The following WDR33 variants were observed in gnomAD, a reference collection of about 807,000 sequenced individuals.
WDR33 encodes pre-mRNA 3' end processing protein WDR33.
A neutral mutation model predicts 164.9 loss-of-function variants in WDR33; 47 were observed. The ratio of observed to expected loss-of-function variants is 0.29; its 90% confidence interval spans 0.23 to 0.36. WDR33 has a LOEUF of 0.36. Ranked by LOEUF, WDR33 falls within the 10% of genes least tolerant of loss-of-function variation. WDR33 has a pLI of 1.00. For missense variants in WDR33, 1,137 were observed against 1,754.1 expected, an observed-to-expected ratio of 0.65 and a Z score of 6.28; for synonymous variants, 505 against 589.0, an observed-to-expected ratio of 0.86 and a Z score of 2.06.
In WDR33 at chr2:127,764,434, T is replaced by C; in HGVS notation, c.626+394A>G. 6.9e-7 allele frequency: 1 copy of C among 1,450,544 alleles called. No individual in the cohort carries two copies. Among genetic ancestry groups the C allele is most frequent in the Non-Finnish European group, 9.1e-7 (1 of 1,104,722 alleles). The allele number at this position is 1,450,544 out of a possible 1,614,324, so 89.9% of individuals were successfully genotyped here. On this transcript the variant is annotated intron_variant, in intron 6 of 21. Coordinates refer to ENST00000322313, the MANE Select transcript of WDR33 (RefSeq NM_018383.5). This position sits in a 1 kb window ranked among gnomAD's most constrained non-coding sequence, Gnocchi z 6.2. ...TTTCCACTTTGTGTGAATTCTGAAG[T>C]TGTTTTCTGTAGGCTTTAGATTTTA...
intron 1 of WDR33, among the ~76,000 whole-genome samples, chr2:127,772,550 T>G (rs1210937200): frequency 2.0e-5 from 3 of 152,200 alleles, no homozygotes; most frequent in African/African-American, 7.2e-5. Flanking sequence ...CTTTTGTTCT[T>G]TTAAATTTCC....
In WDR33 at chr2:127,701,919, G is replaced by C. The variant is rs918882840; in HGVS notation, c.*4404C>G. The C allele has an allele frequency of 4.2e-6, 6 of 1,443,436 alleles. No individual in the cohort carries two copies. The highest frequency in any genetic ancestry group is 4.5e-6 in the Non-Finnish European group (5 of 1,104,786). 89.4% of individuals were successfully genotyped at this position (1,443,436 alleles called of 1,614,324 possible). A position where few individuals can be genotyped will look rare whatever the true frequency, so the allele number is the denominator to read the frequency against. Reference sequence around the variant, plus strand: ...AAGCGCGCTGCTGCGGGGCGGCGCGGCGTGCGGACGCCTGCTGCGCTGCGA... The same window carrying C: ...AAGCGCGCTGCTGCGGGGCGGCGCGCCGTGCGGACGCCTGCTGCGCTGCGA... On this transcript the variant is annotated 3_prime_UTR_variant, in exon 22 of 22. Coordinates refer to ENST00000322313, the MANE Select transcript of WDR33 (RefSeq NM_018383.5).
chr2:127,767,548 C>T (rs549632552), intron 4 of WDR33, among the ~76,000 whole-genome samples: 3 of 151,936 alleles, frequency 2.0e-5, no homozygotes, highest in Admixed American at 6.6e-5. Context: ...CCCGTCTCTA[C>T]TAAAAATACA....
chr2:127,712,134 G>T lies in WDR33; in HGVS notation c.3308+1449C>A. On this transcript the variant is annotated intron_variant, in intron 18 of 21. Coordinates refer to ENST00000322313, the MANE Select transcript of WDR33 (RefSeq NM_018383.5). This position sits in a 1 kb window ranked among gnomAD's most constrained non-coding sequence, Gnocchi z 4.0. ...GAAAGGACCAGGCGCAGTGGCTCAC[G>T]CCTATAATCCCTGCACTCTGGGGGG... Among the ~76,000 whole-genome samples the T allele has an allele frequency of 6.6e-6, 1 of 151,962 alleles. No individual in the cohort carries two copies. Among genetic ancestry groups the T allele is most frequent in the African/African-American group, 2.4e-5 (1 of 41,382 alleles).
At position 127,701,926 on chromosome 2, in the gene WDR33, G is replaced by A; in HGVS notation, c.*4397C>T. On this transcript the variant is annotated 3_prime_UTR_variant, in exon 22 of 22. Coordinates refer to ENST00000322313, the MANE Select transcript of WDR33 (RefSeq NM_018383.5). ...CTGCTGCGGGGCGGCGCGGCGTGCG[G>A]ACGCCTGCTGCGCTGCGAAGAAGCG... is the stretch of plus-strand genomic sequence containing the variant. The A allele has an allele frequency of 7.0e-7, 1 of 1,435,366 alleles. No individual in the cohort carries two copies. 88.9% of individuals were successfully genotyped at this position (1,435,366 alleles called of 1,614,324 possible). A position where few individuals can be genotyped will look rare whatever the true frequency, so the allele number is the denominator to read the frequency against.
chr2:127,781,721 G>A (rs989439872), intron 1 of WDR33, among the ~76,000 whole-genome samples: 2 of 151,102 alleles, frequency 1.3e-5, no homozygotes, highest in Non-Finnish European at 2.9e-5. Flanking sequence ...TGCTGAGGCC[G>A]GGTGCAGTGG....
chr2:127,765,359 T>G, intron 4 of WDR33, 90 bp from the exon 5 acceptor site: 1 of 877,468 alleles, frequency 1.1e-6, no homozygotes, highest in South Asian at 1.6e-5. Context: ...ATGCAATAAC[T>G]GACATTAAAT....
intron 7 of WDR33, among the ~76,000 whole-genome samples, chr2:127,754,899 GCTAAATACTAAT>G (rs1476272519): frequency 1.3e-5 from 2 of 152,034 alleles, no homozygotes; most frequent in Admixed American, 6.6e-5. Context: ...TTTTAACCCA[GCTAAATACTAAT>G]CTTCCCTTTA....
rs896816633 is a variant in WDR33, at chr2:127,709,909, A to G, written c.3309-53T>C. 45 of 1,579,990 alleles carry G rather than the reference A, an allele frequency of 2.8e-5. No individual in the cohort carries two copies. Among genetic ancestry groups the G allele is most frequent in the Non-Finnish European group, 3.8e-5 (44 of 1,163,458 alleles). On this transcript the variant is annotated intron_variant, in intron 18 of 21. Transcript: ENST00000322313. This position sits in a 1 kb window ranked among gnomAD's most constrained non-coding sequence, Gnocchi z 5.0. Reference sequence around the variant, plus strand: ...ATCTCAGAGAACACCTTGCCACTCTAAGTTCATGTTTCAAAGAAGCATATG... The same window carrying G: ...ATCTCAGAGAACACCTTGCCACTCTGAGTTCATGTTTCAAAGAAGCATATG...
Position 127,764,538 on chromosome 2 carries a change from A to G in WDR33, c.626+290T>C. The G allele has an allele frequency of 6.5e-7, 1 of 1,532,214 alleles. No individual in the cohort carries two copies. Among genetic ancestry groups the G allele is most frequent in the Non-Finnish European group, 8.8e-7 (1 of 1,142,312 alleles). 94.9% of individuals were successfully genotyped at this position (1,532,214 alleles called of 1,614,324 possible). ...CTTACACAGTAGATAATAAAAAGGA[A>G]TAACGTATACACATTATTAATCATA... On this transcript the variant is annotated intron_variant, in intron 6 of 21. Coordinates refer to ENST00000322313, the MANE Select transcript of WDR33 (RefSeq NM_018383.5). The surrounding 1 kb of genome is among the most constrained non-coding windows in gnomAD (Gnocchi z 6.2).
rs979407987 is a variant in WDR33 at position 127,702,271 on chromosome 2, G to T, written c.*4052C>A. The stretch of plus-strand genomic sequence containing the variant: ...GAGGACTGCACGCCGCTGTGCGGAA[G>T]CCCGTGGCGAAGGCCCTGCCCTAAC... On this transcript the variant is annotated 3_prime_UTR_variant, in exon 22 of 22. Coordinates refer to ENST00000322313, the MANE Select transcript of WDR33 (RefSeq NM_018383.5). The T allele has an allele frequency of 8.9e-7, 1 of 1,126,022 alleles. No individual in the cohort carries two copies. 69.8% of individuals were successfully genotyped at this position (1,126,022 alleles called of 1,614,324 possible). A position where few individuals can be genotyped will look rare whatever the true frequency, so the allele number is the denominator to read the frequency against.
intron 1 of WDR33, among the ~76,000 whole-genome samples, chr2:127,781,756 C>G (rs911688929): frequency 6.6e-6 from 1 of 151,086 alleles, no homozygotes; most frequent in African/African-American, 2.4e-5. Flanking sequence ...CCTAGCACTT[C>G]CGGAGGCCGA....
rs536156456 is a variant in WDR33 at position 127,707,709 on chromosome 2, G to A, written c.3781+968C>T. 9.2e-5 allele frequency among the ~76,000 whole-genome samples: 14 copies of A among 152,328 alleles called. No individual in the cohort carries two copies. In the East Asian group the frequency reaches 2.5e-3, roughly 27 times the overall value. On this transcript the variant is annotated intron_variant, in intron 21 of 21. Transcript: ENST00000322313. ...CTATCAAGATCAAATGGCAGGCCAG[G>A]CATGGTGGCTCATGAGAGGCCAAGG...
At chr2:127,727,050 G>T (rs1686587967) in intron 7 of WDR33, among the ~76,000 whole-genome samples, 1 of 152,100 alleles carries the variant, frequency 6.6e-6, no homozygotes, top group South Asian at 2.1e-4. Flanking sequence ...GCTTTTGGAG[G>T]CTGCACCCCT....
At chr2:127,757,310 A>G (rs1687548583) in intron 7 of WDR33, among the ~76,000 whole-genome samples, 1 of 152,216 alleles carries the variant, frequency 6.6e-6, no homozygotes, top group South Asian at 2.1e-4. Flanking sequence ...TCCTGTAAAA[A>G]TATGAACACA....
At chr2:127,793,132 T>C (rs1688899291) in intron 1 of WDR33, among the ~76,000 whole-genome samples, 1 of 152,148 alleles carries the variant, frequency 6.6e-6, no homozygotes, top group African/African-American at 2.4e-5. Flanking sequence ...ATTTGGTACA[T>C]CAAAAACTCA....
At chr2:127,727,515 C>A (rs1686599666) in intron 7 of WDR33, among the ~76,000 whole-genome samples, 1 of 151,876 alleles carries the variant, frequency 6.6e-6, no homozygotes, top group Admixed American at 6.6e-5. Context: ...ATAACACATC[C>A]TAGATCCCAA....
In WDR33 at chr2:127,726,035, A is replaced by G. The variant is rs973561596; in HGVS notation, c.851+616T>C. Among the ~76,000 whole-genome samples the G allele has an allele frequency of 6.6e-6, 1 of 152,196 alleles. No individual in the cohort carries two copies. Among genetic ancestry groups the G allele is most frequent in the African/African-American group, 2.4e-5 (1 of 41,456 alleles). ...CAAGGCATTCCAGGTTGGCATGGTC[A>G]TTGGGGTTGTACAACAAAGCAGCCT... On this transcript the variant is annotated intron_variant, in intron 8 of 21. Transcript: ENST00000322313. The surrounding 1 kb of genome is among the most constrained non-coding windows in gnomAD (Gnocchi z 4.8).
intron 7 of WDR33, among the ~76,000 whole-genome samples, chr2:127,742,902 G>A (rs559070847): frequency 6.7e-6 from 1 of 148,168 alleles, no homozygotes; most frequent in Non-Finnish European, 1.5e-5. Context: ...AGAGAAAAGA[G>A]ATCATTCAGA....
Sources: gnomAD v4.1 joint callset for allele counts (sites outside exome capture counted in the v4.1 genomes callset) on GRCh38, gnomAD v4.1.1 for gene constraint, Gnocchi (gnomAD v3.1) non-coding constraint, MANE v1.5 for transcripts, NCBI Gene and HGNC (gene_info 2026-07-23, HGNC 2026-07-21) for gene names.